Variants in CACNG3 observed in about 807,000 individuals in gnomAD.
The protein encoded by CACNG3 is voltage-dependent calcium channel gamma-3 subunit.
A neutral mutation model predicts 28.5 loss-of-function variants in CACNG3; 3 were observed. The ratio of observed to expected loss-of-function variants is 0.11; its 90% CI spans 0.05 to 0.27. The LOEUF is 0.27. Among genes scored for constraint, CACNG3 ranks in the 10% least tolerant of loss-of-function variants. CACNG3 has a pLI of 1.00. For synonymous variants in CACNG3, 174 were observed against 162.2 expected (o/e 1.07, Z -0.55); for missense variants, 236 against 414.4 (o/e 0.57, Z 3.74).
At chr16:24,311,687 C>T (rs1341071401) in intron 1 of CACNG3, among the ~76,000 whole-genome samples, 1 of 151,518 alleles carries the variant, frequency 6.6e-6, no homozygotes, top group Non-Finnish European at 1.5e-5. Flanking sequence ...GAAACCCCAT[C>T]TCTACTAGAA....
At chr16:24,272,577 A>G (rs1381616303) in intron 1 of CACNG3, among the ~76,000 whole-genome samples, 1 of 151,964 alleles carries the variant, frequency 6.6e-6, no homozygotes, top group Non-Finnish European at 1.5e-5. Context: ...TCAACTTGCC[A>G]TTTATTTTTC....
chr16:24,287,618 T>C (rs549641752), intron 1 of CACNG3, among the ~76,000 whole-genome samples: 2 of 152,136 alleles, frequency 1.3e-5, no homozygotes, highest in Middle Eastern at 3.4e-3. Context: ...TCAGCAATTT[T>C]CCTGAGACTC....
chr16:24,318,925 G>C (rs1228590409), intron 1 of CACNG3, among the ~76,000 whole-genome samples: 1 of 152,156 alleles, frequency 6.6e-6, no homozygotes, highest in Non-Finnish European at 1.5e-5. Flanking sequence ...ATCCGGACAA[G>C]GCATTAAATA....
intron 1 of CACNG3, among the ~76,000 whole-genome samples, chr16:24,329,587 G>A (rs1899605226): frequency 6.6e-6 from 1 of 152,150 alleles, no homozygotes; most frequent in African/African-American, 2.4e-5. Context: ...GAGTTGAGAC[G>A]TCACTCTTTG....
intron 1 of CACNG3, among the ~76,000 whole-genome samples, chr16:24,308,473 C>G (rs557793470): frequency 6.6e-6 from 1 of 152,178 alleles, no homozygotes; most frequent in Non-Finnish European, 1.5e-5. Flanking sequence ...CCTCTGCAAG[C>G]CGTCCTTGCA....
Position 24,268,748 on chromosome 16 carries a change from A to G in CACNG3, c.211+11783A>G, listed in dbSNP as rs1362668630. Among the ~76,000 whole-genome samples the G allele has an allele frequency of 2.6e-5, 4 of 152,252 alleles. 1 individual carries two copies. Among genetic ancestry groups the G allele is most frequent in the South Asian group, 4.1e-4 (2 of 4,830 alleles). ...TGAACAAATGATTTGAGATTCTCAC[A>G]TCTTCTACGCTGGAGTTGGGGTGTT... On this transcript the variant is annotated intron_variant, in intron 1 of 3. Transcript: ENST00000005284.
chr16:24,317,630 GACAGAAAGAAAGAAAAGA>G (rs1899385326), intron 1 of CACNG3, among the ~76,000 whole-genome samples: 1 of 41,114 alleles, frequency 2.4e-5, no homozygotes, highest in South Asian at 6.7e-4. Flanking sequence ...AAGAAAGACA[GACAGAAAGAAAGAAAAGA>G]AAAGAAAGAA....
chr16:24,322,667 G>A (rs1467319841), intron 1 of CACNG3, among the ~76,000 whole-genome samples: 2 of 151,832 alleles, frequency 1.3e-5, no homozygotes, highest in African/African-American at 4.8e-5. Flanking sequence ...TTCCCCTTCT[G>A]CTTCTCAAAT....
At chr16:24,302,479 G>A (rs1324150692) in intron 1 of CACNG3, among the ~76,000 whole-genome samples, 1 of 151,872 alleles carries the variant, frequency 6.6e-6, no homozygotes, top group Non-Finnish European at 1.5e-5. Context: ...TTTTGAGATG[G>A]AGTCTTGCTC....
At chr16:24,287,408 A>T (rs2141353939) in intron 1 of CACNG3, among the ~76,000 whole-genome samples, 1 of 151,490 alleles carries the variant, frequency 6.6e-6, no homozygotes, top group Non-Finnish European at 1.5e-5. Flanking sequence ...GTCACAGCTA[A>T]TCAGGAGGCT....
chr16:24,294,988 G>A (rs980509303), intron 1 of CACNG3, among the ~76,000 whole-genome samples: 20 of 152,310 alleles, frequency 1.3e-4, no homozygotes, highest in Middle Eastern at 3.4e-3. Context: ...AGTGGTGTAA[G>A]GTAGGCATGG....
chr16:24,273,410 C>T (rs1898714618), intron 1 of CACNG3, among the ~76,000 whole-genome samples: 1 of 152,140 alleles, frequency 6.6e-6, no homozygotes, highest in Non-Finnish European at 1.5e-5. Context: ...ATTTCCTCAC[C>T]TTTCGTAGAC....
intron 1 of CACNG3, among the ~76,000 whole-genome samples, chr16:24,258,406 G>C (rs879211438): frequency 4.9e-4 from 75 of 152,240 alleles, no homozygotes; most frequent in Admixed American, 3.7e-3. Flanking sequence ...CCTGGGTAAT[G>C]CTGCAAAGTA....
chr16:24,298,985 C>T (rs960630676), intron 1 of CACNG3, among the ~76,000 whole-genome samples: 4 of 152,276 alleles, frequency 2.6e-5, no homozygotes, highest in East Asian at 1.9e-4. Flanking sequence ...CCACTGATGA[C>T]GTTAGCCTTG....
rs1256470446 is a variant in CACNG3 at position 24,354,821 on chromosome 16, T to C, written c.296-12T>C. On this transcript the variant is annotated splice_polypyrimidine_tract_variant and intron_variant, in intron 2 of 3. Coordinates refer to ENST00000005284, the MANE Select transcript of CACNG3 (RefSeq NM_006539.4). ...TGGGCACAGGCAGAAGCCTCTCTCC[T>C]TCTCTCCGCAGGAGCTGTGAGGGCC... is the stretch of plus-strand genomic sequence containing the variant. 2 of 1,611,074 alleles carry C rather than the reference T, an allele frequency of 1.2e-6. No individual in the cohort carries two copies. Among genetic ancestry groups the C allele is most frequent in the Non-Finnish European group, 1.7e-6 (2 of 1,179,172 alleles).
At chr16:24,351,608 A>AGGGGAC in intron 2 of CACNG3, among the ~76,000 whole-genome samples, 1 of 83,530 alleles carries the variant, frequency 1.2e-5, no homozygotes, top group African/African-American at 5.2e-5. Flanking sequence ...GGGAAGGGGA[A>AGGGGAC]GGGGAAGGGG....
chr16:24,361,960 T>A lies in CACNG3; in HGVS notation c.*97T>A. On this transcript the variant is annotated 3_prime_UTR_variant, in exon 4 of 4. Coordinates refer to ENST00000005284, the MANE Select transcript of CACNG3 (RefSeq NM_006539.4). This position sits in a 1 kb window ranked among gnomAD's most constrained non-coding sequence, Gnocchi z 6.8. ...CATGGCATGGTCCTTGTGATGGTATTACTTTTTACAAAGAATGAAACCAAA... is the reference window on the plus strand; with the variant it reads ...CATGGCATGGTCCTTGTGATGGTATAACTTTTTACAAAGAATGAAACCAAA... 1 of 1,260,234 alleles carries A rather than the reference T, an allele frequency of 7.9e-7. No individual in the cohort carries two copies. Among genetic ancestry groups the A allele is most frequent in the Non-Finnish European group, 1.1e-6 (1 of 920,474 alleles). 78.1% of individuals were successfully genotyped at this position (1,260,234 alleles called of 1,614,324 possible).
At chr16:24,346,422 T>A (rs1008023507) in intron 1 of CACNG3, among the ~76,000 whole-genome samples, 1 of 152,010 alleles carries the variant, frequency 6.6e-6, no homozygotes, top group Non-Finnish European at 1.5e-5. Flanking sequence ...TATCAAAAAA[T>A]GTTGAATTAG....
chr16:24,261,553 G>A (rs1372267904), intron 1 of CACNG3, among the ~76,000 whole-genome samples: 2 of 152,192 alleles, frequency 1.3e-5, no homozygotes, highest in African/African-American at 2.4e-5. Context: ...CCAGTTTTCA[G>A]CCTTGTAAAT....
Sources: gnomAD v4.1 joint callset for allele counts (sites outside exome capture counted in the v4.1 genomes callset) on GRCh38, gnomAD v4.1.1 for gene constraint, Gnocchi (gnomAD v3.1) non-coding constraint, MANE v1.5 for transcripts, NCBI Gene and HGNC (gene_info 2026-07-23, HGNC 2026-07-21) for gene names.